Variants in SHROOM3 observed in about 807,000 individuals in gnomAD.
SHROOM3 encodes the protein protein Shroom3.
Under a neutral mutation model 138.6 loss-of-function variants are expected in SHROOM3, and 47 were observed. The observed-to-expected ratio is 0.34, with a 90% CI of 0.27 to 0.43. SHROOM3 has a LOEUF of 0.43. Ranked by LOEUF, SHROOM3 falls within the 20% of genes least tolerant of loss-of-function variation. The pLI, the probability that SHROOM3 is intolerant of heterozygous loss-of-function variation, is 1.00. For synonymous variants in SHROOM3, 1,062 were observed against 1,063.3 expected (o/e 1.00, Z 0.02); for missense variants, 2,491 against 2,596.5 (o/e 0.96, Z 0.88).
intron 1 of SHROOM3, among the ~76,000 whole-genome samples, chr4:76,519,766 G>T (rs1732524593): frequency 6.6e-6 from 1 of 152,126 alleles, no homozygotes; most frequent in Admixed American, 6.5e-5. Flanking sequence ...TGCCTTTTAG[G>T]CTTTTTGTAT....
intron 2 of SHROOM3, among the ~76,000 whole-genome samples, chr4:76,619,898 C>T (rs1212548015): frequency 2.0e-5 from 3 of 151,848 alleles, no homozygotes; most frequent in Non-Finnish European, 4.4e-5. Flanking sequence ...CCTGTCTCTA[C>T]TAAAAATACA....
At chr4:76,567,065 C>T (rs1391147658) in intron 2 of SHROOM3, among the ~76,000 whole-genome samples, 4 of 152,202 alleles carry the variant, frequency 2.6e-5, no homozygotes, top group African/African-American at 2.4e-5. Context: ...CGCAATTTTT[C>T]TACTCCCCTC....
intron 1 of SHROOM3, among the ~76,000 whole-genome samples, chr4:76,436,606 G>A (rs1347915528): frequency 7.2e-5 from 11 of 152,068 alleles, no homozygotes. Context: ...ACTGAAAATA[G>A]CATCTAAAAA....
intron 1 of SHROOM3, among the ~76,000 whole-genome samples, chr4:76,513,715 AT>A (rs1191352739): frequency 6.6e-6 from 1 of 152,300 alleles, no homozygotes; most frequent in East Asian, 1.9e-4. Flanking sequence ...TTAAAAGAAA[AT>A]GACTTCATTG....
In SHROOM3 at chr4:76,745,644, A is replaced by T. The variant is rs78926104; in HGVS notation, c.3754-3373A>T. Among the ~76,000 whole-genome samples, 996 of 152,316 alleles carry T rather than the reference A, an allele frequency of 6.5e-3. 9 individuals are homozygous for T. Among genetic ancestry groups the T allele is most frequent in the African/African-American group, 0.023 (955 of 41,562 alleles). On this transcript the variant is annotated intron_variant, in intron 5 of 10. Coordinates refer to ENST00000296043, the MANE Select transcript of SHROOM3 (RefSeq NM_020859.4). ...GATACAAATAGCTAACAATAATCAA[A>T]TTTTTGCTGTGTGCCAGTCATTGTA...
At chr4:76,547,796 A>G (rs1350836467) in intron 1 of SHROOM3, among the ~76,000 whole-genome samples, 1 of 152,022 alleles carries the variant, frequency 6.6e-6, no homozygotes, top group Non-Finnish European at 1.5e-5. Flanking sequence ...TGGATGTGGT[A>G]GCGTGCGCCT....
chr4:76,459,642 G>T (rs138565846), intron 1 of SHROOM3, among the ~76,000 whole-genome samples: 70 of 152,112 alleles, frequency 4.6e-4, no homozygotes, highest in Non-Finnish European at 8.4e-4. Flanking sequence ...TTTCACTAAT[G>T]CTGAGTCATG....
rs536255652 is a variant in SHROOM3, at chr4:76,567,248, T to C, written c.323+11485T>C. The stretch of plus-strand genomic sequence containing the variant: ...CTAAGGAGCATTTTTAAAAGATTCT[T>C]TGGGTGCCAGGCGCGGTTGCTCATG... On this transcript the variant is annotated intron_variant, in intron 2 of 10. Transcript: ENST00000296043. Among the ~76,000 whole-genome samples the C allele has an allele frequency of 4.4e-4, 67 of 152,272 alleles. 1 individual carries two copies. Among genetic ancestry groups the C allele is most frequent in the South Asian group, 8.3e-4 (4 of 4,822 alleles).
intron 1 of SHROOM3, among the ~76,000 whole-genome samples, chr4:76,459,270 A>G (rs1192880621): frequency 2.0e-5 from 3 of 152,222 alleles, no homozygotes; most frequent in African/African-American, 7.2e-5. Flanking sequence ...ATAATTGTGT[A>G]GAATTGTACA....
In SHROOM3 at chr4:76,740,833, G is replaced by A. The variant is rs1052043657; in HGVS notation, c.2660G>A (p.Arg887His). 3.1e-6 allele frequency: 5 copies of A among 1,592,968 alleles called. No homozygotes were observed. The highest frequency in any genetic ancestry group is 3.4e-5 in the Admixed American group (2 of 58,304). Reference sequence around the variant, plus strand: ...CAGAGGCCGGACGCTCGGCTCCTCCGTAGCCAGAGCACCTTCCAGCTCTCC... The same window carrying A: ...CAGAGGCCGGACGCTCGGCTCCTCCATAGCCAGAGCACCTTCCAGCTCTCC... Reference protein sequence around the residue: ...GPQRPDARLLRSQSTFQLSSE... With the variant: ...GPQRPDARLLHSQSTFQLSSE... The change falls in exon 5 of 11, where the codon CGT (arginine) becomes CAT (histidine). Residue 887 changes from arginine (R) to histidine (H), a missense_variant. Arg to His is a conservative substitution (Grantham distance 29). Coordinates refer to ENST00000296043, the MANE Select transcript of SHROOM3 (RefSeq NM_020859.4). This position sits in a 1 kb window ranked among gnomAD's most constrained non-coding sequence, Gnocchi z 4.0.
At chr4:76,561,903 C>T (rs1249045932) in intron 2 of SHROOM3, among the ~76,000 whole-genome samples, 10 of 151,730 alleles carry the variant, frequency 6.6e-5, no homozygotes, top group Admixed American at 2.0e-4. Flanking sequence ...CCCAGCTACT[C>T]GGGAGGCTGA....
At chr4:76,479,885 C>A (rs1579182853) in intron 1 of SHROOM3, among the ~76,000 whole-genome samples, 1 of 152,116 alleles carries the variant, frequency 6.6e-6, no homozygotes, top group Non-Finnish European at 1.5e-5. Flanking sequence ...CTAAGCTTCA[C>A]AAGCTAAGGA....
chr4:76,715,599 A>G (rs1003836334), intron 3 of SHROOM3, among the ~76,000 whole-genome samples: 1 of 152,180 alleles, frequency 6.6e-6, no homozygotes, highest in Non-Finnish European at 1.5e-5. Flanking sequence ...TTCTCCCACA[A>G]GTCATTATAA....
intron 1 of SHROOM3, among the ~76,000 whole-genome samples, chr4:76,445,699 C>T (rs1730791109): frequency 6.6e-6 from 1 of 152,138 alleles, no homozygotes; most frequent in Non-Finnish European, 1.5e-5. Flanking sequence ...TGGACTGGAT[C>T]TAAATGCAGG....
At chr4:76,463,444 G>A (rs569092079) in intron 1 of SHROOM3, among the ~76,000 whole-genome samples, 2 of 152,280 alleles carry the variant, frequency 1.3e-5, no homozygotes, top group East Asian at 3.9e-4. Context: ...TGGAAACAGA[G>A]CATAAAAGAT....
chr4:76,540,901 A>ATG (rs1308331523), intron 1 of SHROOM3, among the ~76,000 whole-genome samples: 6 of 152,232 alleles, frequency 3.9e-5, no homozygotes, highest in Non-Finnish European at 5.9e-5. Context: ...GAGATAGGGC[A>ATG]TGTGTGTGCC....
Position 76,546,628 on chromosome 4 carries a change from CTTTG to C in SHROOM3, c.169-8976_169-8973del, listed in dbSNP as rs1381217428. On this transcript the variant is annotated intron_variant, in intron 1 of 10. Coordinates refer to ENST00000296043, the MANE Select transcript of SHROOM3 (RefSeq NM_020859.4). ...ACAATAGAAAATAATGCCCAAACGG[CTTTG>C]TTTGAGAGATTCTTGACGTCTTTTG... Among the ~76,000 whole-genome samples the C allele has an allele frequency of 3.9e-5, 6 of 152,314 alleles. No individual in the cohort carries two copies. In the East Asian group the frequency reaches 1.2e-3, roughly 29 times the overall value.
At chr4:76,599,953 C>T (rs1275904781) in intron 2 of SHROOM3, among the ~76,000 whole-genome samples, 1 of 152,132 alleles carries the variant, frequency 6.6e-6, no homozygotes, top group African/African-American at 2.4e-5. Flanking sequence ...TGCTTGAGCC[C>T]AGGACAACAT....
chr4:76,740,054 G>T lies in SHROOM3; in HGVS notation c.1881G>T (p.Glu627Asp). 5 of 1,613,830 alleles carry T rather than the reference G, an allele frequency of 3.1e-6. No homozygotes were observed. Among genetic ancestry groups the T allele is most frequent in the Non-Finnish European group, 4.2e-6 (5 of 1,180,030 alleles). The change falls in exon 5 of 11, where the codon GAG becomes GAT. Residue 627 changes from glutamate (E) to aspartate (D), a missense_variant. Physicochemically the swap from Glu to Asp is conservative, Grantham distance 45. This residue lies in a region of SHROOM3 where 1,733 missense variants were observed against 1,661.6 expected (regional missense o/e 1.04). Transcript: ENST00000296043. This position sits in a 1 kb window ranked among gnomAD's most constrained non-coding sequence, Gnocchi z 4.0. ...KRSSRLSEPWEGDFQEDHNAN... is the reference protein window; with the variant it reads ...KRSSRLSEPWDGDFQEDHNAN... ...CTTCCAGGCTCTCAGAGCCCTGGGA[G>T]GGCGATTTCCAGGAAGACCACAATG...
Sources: gnomAD v4.1 joint callset for allele counts (sites outside exome capture counted in the v4.1 genomes callset) on GRCh38, gnomAD v4.1.1 for gene constraint, gnomAD v4.1.1 regional missense constraint, Gnocchi (gnomAD v3.1) non-coding constraint, MANE v1.5 for transcripts, NCBI Gene and HGNC (gene_info 2026-07-23, HGNC 2026-07-21) for gene names.